The following CD209 variants were observed in gnomAD, a reference collection of about 807,000 sequenced individuals.
CD209 encodes CD209 molecule.
A neutral mutation model predicts 44.7 loss-of-function variants in CD209; 31 were observed. The ratio of observed to expected loss-of-function variants is 0.69; its 90% CI spans 0.52 to 0.94. The LOEUF (loss-of-function observed/expected upper bound fraction) is 0.94, where lower values mean the gene tolerates loss of function less well. Among genes scored for constraint, CD209 ranks in the 40% least tolerant of loss-of-function variants. The pLI is 0.00. For synonymous variants in CD209, 173 were observed against 181.3 expected, an observed-to-expected ratio of 0.95 and a Z score of 0.37; for missense variants, 407 against 452.4, an observed-to-expected ratio of 0.90 and a Z score of 0.91.
intron 2 of CD209, 109 bp downstream of exon 2, chr19:7,747,197 G>T: frequency 8.9e-7 from 1 of 1,126,830 alleles, no homozygotes; most frequent in Non-Finnish European, 1.3e-6. Flanking sequence ...CAGGCCCCTA[G>T]CCCCACATCC....
rs192584788 is a variant in CD209 at position 7,740,367 on chromosome 19, G to A, written c.*2672C>T. On this transcript the variant is annotated 3_prime_UTR_variant, in exon 7 of 7. Coordinates refer to ENST00000315599, the MANE Select transcript of CD209 (RefSeq NM_021155.4). ...ACAACTCGCCATTTTATTACACAAA[G>A]TTGAACCAGATTGGGCTGAATCTGC... The A allele has an allele frequency of 1.1e-5, 6 of 551,834 alleles. No homozygotes were observed. Among genetic ancestry groups the A allele is most frequent in the Admixed American group, 1.0e-4 (3 of 30,038 alleles). 34.2% of individuals were successfully genotyped at this position (551,834 alleles called of 1,614,324 possible). A position where few individuals can be genotyped will look rare whatever the true frequency, so the allele number is the denominator to read the frequency against.
chr19:7,747,124 C>A (rs1008115186), intron 2 of CD209, among the ~76,000 whole-genome samples, 182 bp downstream of exon 2: 2 of 151,948 alleles, frequency 1.3e-5, no homozygotes, highest in African/African-American at 4.8e-5. Flanking sequence ...TGGCCCCAGC[C>A]TCCACCTTCC....
chr19:7,744,343 T>C, intron 5 of CD209, 124 bp from the exon 6 acceptor site: 1 of 703,924 alleles, frequency 1.4e-6, no homozygotes, highest in Non-Finnish European at 2.5e-6. Context: ...TACTAGGTCC[T>C]GAGCCCCCTC....
chr19:7,741,558 G>A lies in CD209; in HGVS notation c.*1481C>T. The A allele has an allele frequency of 1.5e-6, 1 of 655,968 alleles. No homozygotes were observed. The highest frequency in any genetic ancestry group is 2.9e-6 in the Non-Finnish European group (1 of 348,396). 40.6% of individuals were successfully genotyped at this position (655,968 alleles called of 1,614,324 possible). A position where few individuals can be genotyped will look rare whatever the true frequency, so the allele number is the denominator to read the frequency against. ...TCAGTTCAAGGTCAGTTGCAACTTGGAACCTCACCTGAGGGGCAAGTATAT... is the reference window on the plus strand; with the variant it reads ...TCAGTTCAAGGTCAGTTGCAACTTGAAACCTCACCTGAGGGGCAAGTATAT... On this transcript the variant is annotated 3_prime_UTR_variant, in exon 7 of 7. Coordinates refer to ENST00000315599, the MANE Select transcript of CD209 (RefSeq NM_021155.4).
chr19:7,741,783 T>C lies in CD209; in HGVS notation c.*1256A>G, dbSNP rs2033622990. The C allele has an allele frequency of 7.6e-6, 4 of 523,228 alleles. No individual in the cohort carries two copies. The highest frequency in any genetic ancestry group is 3.9e-5 in the African/African-American group (2 of 51,048). 32.4% of individuals were successfully genotyped at this position (523,228 alleles called of 1,614,324 possible). On this transcript the variant is annotated 3_prime_UTR_variant, in exon 7 of 7. Transcript: ENST00000315599. Reference sequence around the variant, plus strand: ...TTTCTTCAGGTGTTGAGAAATCCAATAGAGACCTCTGCTTGTCTCCTCCTT... The same window carrying C: ...TTTCTTCAGGTGTTGAGAAATCCAACAGAGACCTCTGCTTGTCTCCTCCTT...
At position 7,745,108 on chromosome 19, in the gene CD209, G is replaced by T. The variant is rs1411168344; in HGVS notation, c.749-16C>A. 1 of 1,614,088 alleles carries T rather than the reference G, an allele frequency of 6.2e-7. No homozygotes were observed. Among genetic ancestry groups the T allele is most frequent in the South Asian group, 1.1e-5 (1 of 91,078 alleles). On this transcript the variant is annotated splice_polypyrimidine_tract_variant and intron_variant, in intron 4 of 6. Transcript: ENST00000315599. The stretch of plus-strand genomic sequence containing the variant: ...CACAGGCGTTCTGTTGGGGGAGGCT[G>T]GTCAGGGCTGGGCTTAGATTAGGTT...
intron 3 of CD209, among the ~76,000 whole-genome samples, 167 bp from the exon 4 acceptor site, chr19:7,746,254 G>A (rs1429262642): frequency 6.6e-6 from 1 of 152,160 alleles, no homozygotes; most frequent in East Asian, 1.9e-4. Flanking sequence ...AGGCCAAGGA[G>A]AGCCAGATTC....
At chr19:7,746,158 A>T in intron 3 of CD209, 71 bp from the exon 4 acceptor site, 1 of 1,582,960 alleles carries the variant, frequency 6.3e-7, no homozygotes, top group Non-Finnish European at 8.6e-7. Flanking sequence ...ACTGAGCCCC[A>T]TAGGGACATC....
rs11465396 is a variant in CD209, at chr19:7,742,572, A to G, written c.*467T>C. The stretch of plus-strand genomic sequence containing the variant: ...GTGGAAGGGGTTGCGTGGAGCCTCC[A>G]TGCCCTCTCTGGGTGCCATTGGTTG... On this transcript the variant is annotated 3_prime_UTR_variant, in exon 7 of 7. Transcript: ENST00000315599. The G allele has an allele frequency of 0.044, 7,847 of 177,042 alleles. 198 individuals carry two copies. The highest frequency in any genetic ancestry group is 0.084 in the Middle Eastern group (29 of 344). The allele number at this position is 177,042 out of a possible 1,614,324, so 11.0% of individuals were successfully genotyped here.
Position 7,742,143 on chromosome 19 carries a change from A to G in CD209, c.*896T>C. On this transcript the variant is annotated 3_prime_UTR_variant, in exon 7 of 7. Coordinates refer to ENST00000315599, the MANE Select transcript of CD209 (RefSeq NM_021155.4). ...ACTGTTCAGAGTCCCAAATCCCAAT[A>G]AACCTGTTTTATTCTTACAAAAAAT... is the stretch of plus-strand genomic sequence containing the variant. The G allele has an allele frequency of 4.7e-6, 1 of 213,810 alleles. No individual in the cohort carries two copies. Among genetic ancestry groups the G allele is most frequent in the Non-Finnish European group, 1.0e-5 (1 of 95,624 alleles). The allele number at this position is 213,810 out of a possible 1,614,324, so 13.2% of individuals were successfully genotyped here.
In CD209 at chr19:7,740,766, G is replaced by C; in HGVS notation, c.*2273C>G. The C allele has an allele frequency of 1.3e-6, 1 of 761,168 alleles. No homozygotes were observed. The highest frequency in any genetic ancestry group is 2.5e-6 in the Non-Finnish European group (1 of 407,186). The allele number at this position is 761,168 out of a possible 1,614,324, so 47.2% of individuals were successfully genotyped here. A position where few individuals can be genotyped will look rare whatever the true frequency, so the allele number is the denominator to read the frequency against. On this transcript the variant is annotated 3_prime_UTR_variant, in exon 7 of 7. Transcript: ENST00000315599. ...GCAAGAACAAGAGCGAAAGTTAAAG[G>C]AACAATGGGAAGAACAGCAGAGGAA... is the stretch of plus-strand genomic sequence containing the variant.
Position 7,745,402 on chromosome 19 carries a change from C to A in CD209, c.748+116G>T. ...ACTGAGGGCAATGATCACAGTTACC[C>A]TGTGTTCTCATTTCACAGATGAGGA... is the stretch of plus-strand genomic sequence containing the variant. On this transcript the variant is annotated intron_variant, in intron 4 of 6. Coordinates refer to ENST00000315599, the MANE Select transcript of CD209 (RefSeq NM_021155.4). 3 of 1,579,312 alleles carry A rather than the reference C, an allele frequency of 1.9e-6. No individual in the cohort carries two copies. In the South Asian group the frequency reaches 3.4e-5, roughly 18 times the overall value.
chr19:7,740,579 A>G lies in CD209; in HGVS notation c.*2460T>C. On this transcript the variant is annotated 3_prime_UTR_variant, in exon 7 of 7. Coordinates refer to ENST00000315599, the MANE Select transcript of CD209 (RefSeq NM_021155.4). ...AACTTGCTCCACTGAGGGACTCAGG[A>G]CTCTCACAGAAAGAGGAGGACACTT... is the stretch of plus-strand genomic sequence containing the variant. The G allele has an allele frequency of 1.1e-6, 1 of 873,108 alleles. No individual in the cohort carries two copies. The highest frequency in any genetic ancestry group is 2.0e-6 in the Non-Finnish European group (1 of 505,756). The allele number at this position is 873,108 out of a possible 1,614,324, so 54.1% of individuals were successfully genotyped here.
chr19:7,745,910 T>G lies in CD209; in HGVS notation c.356A>C (p.Lys119Thr). The G allele has an allele frequency of 6.2e-7, 1 of 1,613,690 alleles. No individual in the cohort carries two copies. Among genetic ancestry groups the G allele is most frequent in the Non-Finnish European group, 8.5e-7 (1 of 1,179,938 alleles). ...CAGCTCCTGGTAGATCTCCTGCAGC[T>G]TAGATTTCTCTGGAAGCTCACCCAC... The part of the protein sequence containing the change: ...AAVGELPEKS[K>T]LQEIYQELTR... The change falls in exon 4 of 7, where the codon AAG (lysine) becomes ACG (threonine). Residue 119 changes from lysine (K) to threonine (T), a missense_variant. Around this residue, in one of 3 missense-constraint regions of CD209, gnomAD observed 85 missense variants for 139.9 expected, o/e 0.61. Transcript: ENST00000315599.
chr19:7,743,215 C>G lies in CD209; in HGVS notation c.1039G>C (p.Glu347Gln), dbSNP rs775028274. The G allele has an allele frequency of 3.1e-6, 5 of 1,613,998 alleles. No homozygotes were observed. Among genetic ancestry groups the G allele is most frequent in the Non-Finnish European group, 4.2e-6 (5 of 1,179,958 alleles). ...TCTTCCTCCCCAACGTTGTTGGGCT[C>G]TCCTCTGTTCCAATACTGCTTGAAG... ...PSFKQYWNRG[E>Q]PNNVGEEDCA... The change falls in exon 7 of 7, where the codon GAG (glutamate) becomes CAG (glutamine). Residue 347 changes from glutamate to glutamine, a missense_variant. Physicochemically the swap from Glu to Gln is conservative, Grantham distance 29. Transcript: ENST00000315599.
chr19:7,742,034 A>T lies in CD209; in HGVS notation c.*1005T>A. 3.3e-6 allele frequency: 1 copy of T among 299,854 alleles called. No homozygotes were observed. The highest frequency in any genetic ancestry group is 6.8e-6 in the Non-Finnish European group (1 of 146,592). 18.6% of individuals were successfully genotyped at this position (299,854 alleles called of 1,614,324 possible). On this transcript the variant is annotated 3_prime_UTR_variant, in exon 7 of 7. Coordinates refer to ENST00000315599, the MANE Select transcript of CD209 (RefSeq NM_021155.4). ...CGGGGGCCGGTGCAGCCGCAGTGAG[A>T]ACGGCCGGAGCCGTCACAGCCGGAG...
At position 7,743,247 on chromosome 19, in the gene CD209, A is replaced by C; in HGVS notation, c.1014-7T>G. On this transcript the variant is annotated splice_polypyrimidine_tract_variant and splice_region_variant and intron_variant, in intron 6 of 6. Transcript: ENST00000315599. The stretch of plus-strand genomic sequence containing the variant: ...GTTCCAATACTGCTTGAAGCTGCAA[A>C]GCCCATGCGGAATGTGAGCCTCTGT... 1 of 1,613,222 alleles carries C rather than the reference A, an allele frequency of 6.2e-7. No individual in the cohort carries two copies. The highest frequency in any genetic ancestry group is 8.5e-7 in the Non-Finnish European group (1 of 1,179,196).
At chr19:7,746,110 C>A (rs1487715332) in intron 3 of CD209, 23 bp from the exon 4 acceptor site, 1 of 1,613,014 alleles carries the variant, frequency 6.2e-7, no homozygotes, top group Non-Finnish European at 8.5e-7. Context: ...AAAAAAGGAA[C>A]TGCAATTATT....
At chr19:7,746,794 A>T (rs1473790197) in intron 2 of CD209, among the ~76,000 whole-genome samples, 1 of 140,352 alleles carries the variant, frequency 7.1e-6, no homozygotes, top group Non-Finnish European at 1.5e-5. Flanking sequence ...CCCAGCCTCT[A>T]CATTCCCAGG....
Sources: gnomAD v4.1 joint callset for allele counts (sites outside exome capture counted in the v4.1 genomes callset) on GRCh38, gnomAD v4.1.1 for gene constraint, gnomAD v4.1.1 regional missense constraint, MANE v1.5 for transcripts, NCBI Gene and HGNC (gene_info 2026-07-23, HGNC 2026-07-21) for gene names.